Variants in PPP2R3A observed in about 807,000 individuals in gnomAD.
The protein encoded by PPP2R3A is serine/threonine-protein phosphatase 2A regulatory subunit B'' subunit alpha.
In PPP2R3A, 80 loss-of-function variants were observed where a neutral mutation model predicts 106.9. The observed-to-expected ratio is 0.75, with a 90% confidence interval of 0.62 to 0.90. The LOEUF is 0.90. Ranked by LOEUF, PPP2R3A falls within the 40% of genes least tolerant of loss-of-function variation. The pLI is 0.00. For missense variants in PPP2R3A, 1,386 were observed against 1,350.4 expected, an observed-to-expected ratio of 1.03 and a Z score of -0.41; for synonymous variants, 483 against 468.3, an observed-to-expected ratio of 1.03 and a Z score of -0.41.
chr3:136,041,946 C>T (rs1935303015), intron 4 of PPP2R3A, among the ~76,000 whole-genome samples: 1 of 152,088 alleles, frequency 6.6e-6, no homozygotes, highest in Non-Finnish European at 1.5e-5. Context: ...CCCCTTCTGC[C>T]TCTTTTAACT....
rs1281345933 is a variant in PPP2R3A, at chr3:136,055,942, A to G, written c.2469+6581A>G. Among the ~76,000 whole-genome samples, 4 of 152,196 alleles carry G rather than the reference A, an allele frequency of 2.6e-5. No individual in the cohort carries two copies. In the East Asian group the frequency reaches 7.7e-4, roughly 29 times the overall value. ...ATTTCAGGGTGTGGGGAGTAACTTT[A>G]CAGTGGAGGAGCCTGACAGATACTA... is the stretch of plus-strand genomic sequence containing the variant. On this transcript the variant is annotated intron_variant, in intron 5 of 13. Coordinates refer to ENST00000264977, the MANE Select transcript of PPP2R3A (RefSeq NM_002718.5).
At chr3:135,968,774 T>C (rs1307282321) in intron 1 of PPP2R3A, among the ~76,000 whole-genome samples, 1 of 152,238 alleles carries the variant, frequency 6.6e-6, no homozygotes, top group African/African-American at 2.4e-5. Context: ...TTTGTGGGCA[T>C]TCAAGGAAAT....
intron 2 of PPP2R3A, among the ~76,000 whole-genome samples, chr3:136,014,845 G>T (rs1176055820): frequency 6.6e-6 from 1 of 152,050 alleles, no homozygotes; most frequent in Non-Finnish European, 1.5e-5. Flanking sequence ...GCTCTGACTA[G>T]GACTTCCAGT....
chr3:136,107,368 CTTACT>C (rs1173017482), intron 13 of PPP2R3A, among the ~76,000 whole-genome samples: 1 of 151,102 alleles, frequency 6.6e-6, no homozygotes, highest in Non-Finnish European at 1.5e-5. Context: ...CATGTTCTTG[CTTACT>C]CTTCCAAAGA....
rs147547994 is a variant in PPP2R3A, at chr3:136,048,047, A to G, written c.2367-1212A>G. ...ATTCGTTCATACTCCAGACCTCTAC[A>G]TCACTGAGTATACCTTTGTAACAAA... On this transcript the variant is annotated intron_variant, in intron 4 of 13. Coordinates refer to ENST00000264977, the MANE Select transcript of PPP2R3A (RefSeq NM_002718.5). 4.1e-3 allele frequency among the ~76,000 whole-genome samples: 619 copies of G among 152,296 alleles called. 4 individuals are homozygous for G. Among genetic ancestry groups the G allele is most frequent in the Non-Finnish European group, 4.0e-3 (273 of 68,032 alleles).
chr3:136,080,104 A>G (rs1270114191), intron 7 of PPP2R3A, among the ~76,000 whole-genome samples: 1 of 152,238 alleles, frequency 6.6e-6, no homozygotes, highest in East Asian at 1.9e-4. Context: ...TATGGCTGCT[A>G]TTTTGAGGGT....
intron 4 of PPP2R3A, among the ~76,000 whole-genome samples, chr3:136,044,562 C>T (rs1388999897): frequency 7.8e-6 from 1 of 128,814 alleles, no homozygotes; most frequent in African/African-American, 2.9e-5. Context: ...CAGAATGAGA[C>T]CCTGTCTCAA....
chr3:136,133,167 C>G (rs2108020536), intron 13 of PPP2R3A, among the ~76,000 whole-genome samples: 1 of 152,152 alleles, frequency 6.6e-6, no homozygotes, highest in South Asian at 2.1e-4. Context: ...CATTGGACTT[C>G]CTTCAAAATT....
At chr3:136,107,648 T>C (rs1937540072) in intron 13 of PPP2R3A, among the ~76,000 whole-genome samples, 1 of 152,110 alleles carries the variant, frequency 6.6e-6, no homozygotes, top group African/African-American at 2.4e-5. Flanking sequence ...TTTTTGAGGG[T>C]GCTGAACAAG....
Position 136,003,027 on chromosome 3 carries a change from A to T in PPP2R3A, c.1529A>T (p.Asp510Val), listed in dbSNP as rs768199742. 1.2e-6 allele frequency: 2 copies of T among 1,613,454 alleles called. No individual in the cohort carries two copies. Among genetic ancestry groups the T allele is most frequent in the Admixed American group, 3.3e-5 (2 of 59,918 alleles). The stretch of plus-strand genomic sequence containing the variant: ...AATTCCAGTAGCCAGGAAGAGATAG[A>T]TAAATTGTTAATGGATTTGGAATCT... Reference protein sequence around the residue: ...FTNSSSQEEIDKLLMDLESFS... With the variant: ...FTNSSSQEEIVKLLMDLESFS... Residue 510 changes from aspartate to valine, a missense_variant, in exon 2 of 14, where the codon GAT becomes GTT. Physicochemically the swap from Asp to Val is radical, Grantham distance 152 (BLOSUM62 -3). Transcript: ENST00000264977.
intron 1 of PPP2R3A, among the ~76,000 whole-genome samples, chr3:135,989,345 G>A (rs1933060947): frequency 6.6e-6 from 1 of 152,154 alleles, no homozygotes; most frequent in Non-Finnish European, 1.5e-5. Flanking sequence ...TCCTTGGAAA[G>A]CTGTGGTTGT....
intron 1 of PPP2R3A, among the ~76,000 whole-genome samples, chr3:135,991,762 A>G (rs1933174050): frequency 6.6e-6 from 1 of 152,196 alleles, no homozygotes; most frequent in African/African-American, 2.4e-5. Context: ...TTACCCAGCT[A>G]GTCAGTGCAG....
chr3:135,985,965 G>A (rs1932901753), intron 1 of PPP2R3A, among the ~76,000 whole-genome samples: 1 of 152,126 alleles, frequency 6.6e-6, no homozygotes, highest in Non-Finnish European at 1.5e-5. Flanking sequence ...ACGATAGTAG[G>A]CAGTAGAGTC....
At chr3:136,088,061 A>G in intron 9 of PPP2R3A, 130 bp downstream of exon 9, 1 of 694,154 alleles carries the variant, frequency 1.4e-6, no homozygotes, top group Non-Finnish European at 2.4e-6. Flanking sequence ...AAACATAGTT[A>G]TGGCTTAATA....
At chr3:135,987,890 G>T (rs1932991397) in intron 1 of PPP2R3A, among the ~76,000 whole-genome samples, 1 of 152,156 alleles carries the variant, frequency 6.6e-6, no homozygotes, top group Non-Finnish European at 1.5e-5. Flanking sequence ...AGTTCCATTG[G>T]ACAGTGCCAC....
At chr3:136,016,147 G>A (rs747230151) in intron 2 of PPP2R3A, among the ~76,000 whole-genome samples, 7 of 152,092 alleles carry the variant, frequency 4.6e-5, no homozygotes, top group Non-Finnish European at 7.4e-5. Flanking sequence ...TTTTGGAGTC[G>A]ATTTCCAATT....
At chr3:136,073,129 G>A (rs989910383) in intron 6 of PPP2R3A, among the ~76,000 whole-genome samples, 3 of 151,962 alleles carry the variant, frequency 2.0e-5, no homozygotes, top group Non-Finnish European at 4.4e-5. Context: ...CACCACGCCC[G>A]GCTAATTTTT....
intron 3 of PPP2R3A, among the ~76,000 whole-genome samples, chr3:136,030,036 A>AC (rs1261033492): frequency 2.6e-5 from 4 of 152,152 alleles, no homozygotes; most frequent in Non-Finnish European, 5.9e-5. Flanking sequence ...ACATAGTGAG[A>AC]CCCCATCTCT....
At position 136,070,511 on chromosome 3, in the gene PPP2R3A, C is replaced by T. The variant is rs755831801; in HGVS notation, c.2503C>T (p.Leu835=). The change falls in exon 6 of 14, where the codon CTG becomes TTG. Residue 835 remains leucine (L), a synonymous_variant. Transcript: ENST00000264977. ...GGATACCCACCCTGGTCTCACGTTC[C>T]TGAAAGATGCTCCAGAATTCCACTC... ...VVDTHPGLTF[L]KDAPEFHSRY... is the part of the protein sequence containing the mutation. The T allele has an allele frequency of 1.2e-6, 2 of 1,610,572 alleles. No individual in the cohort carries two copies. The highest frequency in any genetic ancestry group is 2.2e-5 in the South Asian group (2 of 90,612).
Sources: gnomAD v4.1 joint callset for allele counts (sites outside exome capture counted in the v4.1 genomes callset) on GRCh38, gnomAD v4.1.1 for gene constraint, MANE v1.5 for transcripts, NCBI Gene and HGNC (gene_info 2026-07-23, HGNC 2026-07-21) for gene names.